Variants in SORCS2 observed in about 807,000 individuals in gnomAD.
SORCS2 encodes the protein VPS10 domain-containing receptor SorCS2.
In SORCS2, 100 loss-of-function variants were observed where a neutral mutation model predicts 141.6. That is an observed-to-expected ratio of 0.71 (90% confidence interval 0.60 to 0.83). The LOEUF (loss-of-function observed/expected upper bound fraction) is 0.83, where lower values mean the gene tolerates loss of function less well. SORCS2 is among the 40% of genes least tolerant of loss of function. The probability of loss-of-function intolerance (pLI) is 0.00; values close to 1 mark genes in which losing one functional copy is unlikely to be tolerated. For missense variants in SORCS2, 1,646 were observed against 1,560.2 expected, an observed-to-expected ratio of 1.05 and a Z score of -0.93; for synonymous variants, 789 against 676.9, an observed-to-expected ratio of 1.17 and a Z score of -2.57.
intron 21 of SORCS2, among the ~76,000 whole-genome samples, chr4:7,727,249 G>T (rs2148887761): frequency 6.6e-6 from 1 of 152,352 alleles, no homozygotes; most frequent in East Asian, 1.9e-4. Context: ...TGTCCTCTTG[G>T]CACCTCTGGC....
intron 1 of SORCS2, among the ~76,000 whole-genome samples, chr4:7,224,329 C>T (rs2108765698): frequency 6.6e-6 from 1 of 152,228 alleles, no homozygotes; most frequent in East Asian, 1.9e-4. Flanking sequence ...ATTAAGGCAC[C>T]AAACAGGGAG....
At chr4:7,334,870 A>G (rs1390095205) in intron 1 of SORCS2, among the ~76,000 whole-genome samples, 1 of 152,048 alleles carries the variant, frequency 6.6e-6, no homozygotes, top group Non-Finnish European at 1.5e-5. Flanking sequence ...GCAGGGTGGG[A>G]GTTCTTGGTG....
chr4:7,386,062 G>A (rs577065010), intron 1 of SORCS2, among the ~76,000 whole-genome samples: 1 of 151,992 alleles, frequency 6.6e-6, no homozygotes, highest in Non-Finnish European at 1.5e-5. Flanking sequence ...GAGTGGCTCT[G>A]TTGCCTGCGC....
At chr4:7,551,314 C>A (rs539922363) in intron 3 of SORCS2, among the ~76,000 whole-genome samples, 1 of 152,288 alleles carries the variant, frequency 6.6e-6, no homozygotes, top group South Asian at 2.1e-4. Flanking sequence ...GTTCATCAGA[C>A]ATTTCCTGAG....
rs1372226185 is a variant in SORCS2, at chr4:7,233,745, C to T, written c.480+40619C>T. Reference sequence around the variant, plus strand: ...CTGCATCTGAGTCCTGTCTCTGGCTCTGCCCACCTGGGCCTCAGGCGAGCC... The same window carrying T: ...CTGCATCTGAGTCCTGTCTCTGGCTTTGCCCACCTGGGCCTCAGGCGAGCC... On this transcript the variant is annotated intron_variant, in intron 1 of 26. Coordinates refer to ENST00000507866, the MANE Select transcript of SORCS2 (RefSeq NM_020777.3). This position sits in a 1 kb window ranked among gnomAD's most constrained non-coding sequence, Gnocchi z 4.5. Among the ~76,000 whole-genome samples the T allele has an allele frequency of 2.0e-5, 3 of 152,170 alleles. No individual in the cohort carries two copies. The highest frequency in any genetic ancestry group is 4.4e-5 in the Non-Finnish European group (3 of 68,040).
chr4:7,491,502 A>C (rs1009853412), intron 2 of SORCS2, among the ~76,000 whole-genome samples: 5 of 152,192 alleles, frequency 3.3e-5, no homozygotes, highest in African/African-American at 1.2e-4. Flanking sequence ...GGCATGGCGT[A>C]AGCAGCTGCT....
intron 20 of SORCS2, among the ~76,000 whole-genome samples, chr4:7,726,331 G>C (rs753210213): frequency 6.6e-6 from 1 of 152,218 alleles, no homozygotes; most frequent in African/African-American, 2.4e-5. Flanking sequence ...AGTTCGTGCT[G>C]TGTTGGCTTA....
chr4:7,592,127 GCT>G (rs1183992437), intron 3 of SORCS2, among the ~76,000 whole-genome samples: 2 of 152,142 alleles, frequency 1.3e-5, no homozygotes, highest in Non-Finnish European at 2.9e-5. Context: ...TTCGAGTTTG[GCT>G]CTCTCGACAA....
At chr4:7,583,253 T>TA (rs1396554820) in intron 3 of SORCS2, among the ~76,000 whole-genome samples, 1 of 152,090 alleles carries the variant, frequency 6.6e-6, no homozygotes. Flanking sequence ...CTCATGAGCT[T>TA]AAAGGCACCA....
chr4:7,282,997 A>G (rs1715983683), intron 1 of SORCS2, among the ~76,000 whole-genome samples: 1 of 152,172 alleles, frequency 6.6e-6, no homozygotes, highest in Non-Finnish European at 1.5e-5. Context: ...TCATTCATCC[A>G]TTAATTCACT....
At chr4:7,318,700 C>T (rs191019581) in intron 1 of SORCS2, among the ~76,000 whole-genome samples, 1 of 152,338 alleles carries the variant, frequency 6.6e-6, no homozygotes, top group East Asian at 1.9e-4. Flanking sequence ...CCCTTATCCA[C>T]AGCCTGACCA....
intron 2 of SORCS2, among the ~76,000 whole-genome samples, chr4:7,423,697 G>T (rs569477045): frequency 6.6e-6 from 1 of 152,132 alleles, no homozygotes; most frequent in Non-Finnish European, 1.5e-5. Context: ...GGCATGAGTC[G>T]GTGCTCAGGG....
chr4:7,365,774 A>G (rs756272990), intron 1 of SORCS2, among the ~76,000 whole-genome samples: 33 of 152,284 alleles, frequency 2.2e-4, no homozygotes, highest in Non-Finnish European at 4.1e-4. Context: ...AATGATAATA[A>G]ACAACACGTG....
chr4:7,317,930 T>A (rs1358794765), intron 1 of SORCS2, among the ~76,000 whole-genome samples: 3 of 152,092 alleles, frequency 2.0e-5, no homozygotes, highest in African/African-American at 7.2e-5. Flanking sequence ...AATGTTGAAG[T>A]CCGAACCCCT....
chr4:7,623,329 A>T (rs1475001990), intron 3 of SORCS2, among the ~76,000 whole-genome samples: 4 of 151,662 alleles, frequency 2.6e-5, no homozygotes, highest in African/African-American at 7.3e-5. Context: ...ACTCAGAGAC[A>T]CCAGTACCCC....
At chr4:7,480,692 C>A (rs896161479) in intron 2 of SORCS2, among the ~76,000 whole-genome samples, 1 of 152,198 alleles carries the variant, frequency 6.6e-6, no homozygotes, top group African/African-American at 2.4e-5. Flanking sequence ...TGTGATATTG[C>A]GGTGGTTGTG....
chr4:7,481,573 T>C (rs1443138174), intron 2 of SORCS2, among the ~76,000 whole-genome samples: 3 of 152,130 alleles, frequency 2.0e-5, no homozygotes, highest in Admixed American at 1.3e-4. Context: ...GAATGTAACG[T>C]TGACCATTGG....
intron 1 of SORCS2, among the ~76,000 whole-genome samples, chr4:7,352,519 G>A (rs1032215021): frequency 6.6e-6 from 1 of 152,180 alleles, no homozygotes; most frequent in African/African-American, 2.4e-5. Context: ...TGTTGCAGGA[G>A]GTCTTTCTTG....
At chr4:7,520,343 C>T (rs1441239059) in intron 2 of SORCS2, among the ~76,000 whole-genome samples, 3 of 152,210 alleles carry the variant, frequency 2.0e-5, no homozygotes, top group African/African-American at 7.2e-5. Flanking sequence ...CAGTGAGACA[C>T]AGTTGGCGAA....
Sources: allele counts gnomAD v4.1 joint callset (sites outside exome capture counted in the v4.1 genomes callset), GRCh38; gene constraint gnomAD v4.1.1; non-coding constraint Gnocchi (gnomAD v3.1); transcripts MANE v1.5; gene names NCBI Gene and HGNC (gene_info 2026-07-23, HGNC 2026-07-21).